IGSF21: variants seen among roughly 807,000 people sequenced by gnomAD.
The protein encoded by IGSF21 is immunoglobin superfamily member 21, also known as immunoglobulin superfamily member 21.
A neutral mutation model predicts 46.8 loss-of-function variants in IGSF21; 28 were observed. The ratio of observed to expected loss-of-function variants is 0.60; its 90% CI spans 0.44 to 0.82. The LOEUF (loss-of-function observed/expected upper bound fraction) is 0.82. Among genes scored for constraint, IGSF21 ranks in the 40% least tolerant of loss-of-function variants. The pLI is 0.00. For missense variants in IGSF21, 624 were observed against 665.5 expected, an observed-to-expected ratio of 0.94 and a Z score of 0.69; for synonymous variants, 284 against 273.6, an observed-to-expected ratio of 1.04 and a Z score of -0.38.
chr1:18,373,154 C>A (rs529673671), intron 6 of IGSF21, among the ~76,000 whole-genome samples: 20 of 152,302 alleles, frequency 1.3e-4, no homozygotes, highest in Non-Finnish European at 2.8e-4. Flanking sequence ...AGCCTATTCT[C>A]CCCATTTACA....
chr1:18,372,229 G>A (rs1178982546), intron 6 of IGSF21, among the ~76,000 whole-genome samples: 1 of 152,174 alleles, frequency 6.6e-6, no homozygotes, highest in African/African-American at 2.4e-5. Flanking sequence ...TGCTTTTCTA[G>A]GTTGTTGAGA....
intron 6 of IGSF21, among the ~76,000 whole-genome samples, chr1:18,368,902 G>A (rs552484217): frequency 6.6e-6 from 1 of 152,192 alleles, no homozygotes; most frequent in Non-Finnish European, 1.5e-5. Flanking sequence ...AGTGATGAGA[G>A]GGGGTGTGCC....
intron 2 of IGSF21, among the ~76,000 whole-genome samples, chr1:18,245,584 T>G (rs2084776543): frequency 6.6e-6 from 1 of 152,220 alleles, no homozygotes. Flanking sequence ...AAGCATGTAG[T>G]GCTTTCTCTG....
At chr1:18,291,465 C>T (rs1284016131) in intron 2 of IGSF21, among the ~76,000 whole-genome samples, 24 of 152,218 alleles carry the variant, frequency 1.6e-4, no homozygotes, top group Admixed American at 1.5e-3. Flanking sequence ...CGGGGACCAC[C>T]GCCTTCAGGA....
At chr1:18,145,712 C>T (rs974077030) in intron 1 of IGSF21, among the ~76,000 whole-genome samples, 6 of 152,308 alleles carry the variant, frequency 3.9e-5, no homozygotes, top group Non-Finnish European at 8.8e-5. Context: ...TCCCTCATGT[C>T]GGCTTCTCAG....
chr1:18,210,037 C>T lies in IGSF21; in HGVS notation c.71-17861C>T, dbSNP rs144558583. 3.1e-3 allele frequency among the ~76,000 whole-genome samples: 470 copies of T among 152,208 alleles called. 4 individuals carry two copies. Among genetic ancestry groups the T allele is most frequent in the African/African-American group, 0.01 (422 of 41,540 alleles). On this transcript the variant is annotated intron_variant, in intron 1 of 9. Coordinates refer to ENST00000251296, the MANE Select transcript of IGSF21 (RefSeq NM_032880.5). ...GTCTGCACCTGGGCCTTCAGCAGGA[C>T]GAAGTTAGATGGTGTGTGAATCAGG...
chr1:18,279,432 T>C (rs1435338274), intron 2 of IGSF21, among the ~76,000 whole-genome samples: 3 of 152,232 alleles, frequency 2.0e-5, no homozygotes, highest in Non-Finnish European at 1.5e-5. Context: ...GCATATGCTC[T>C]ATCGTAACCC....
intron 1 of IGSF21, among the ~76,000 whole-genome samples, chr1:18,162,676 T>C (rs1386067352): frequency 6.6e-6 from 1 of 152,252 alleles, no homozygotes; most frequent in African/African-American, 2.4e-5. Context: ...AACTTAAGAT[T>C]GGTTAATTGG....
chr1:18,357,574 G>A (rs2086034410), intron 4 of IGSF21, among the ~76,000 whole-genome samples: 1 of 152,032 alleles, frequency 6.6e-6, no homozygotes, highest in Non-Finnish European at 1.5e-5. Context: ...AGTGAAGGAA[G>A]GCTTTTATTG....
In IGSF21 at chr1:18,339,945, T is replaced by C. The variant is rs114191984; in HGVS notation, c.424+4935T>C. Among the ~76,000 whole-genome samples, 556 of 152,294 alleles carry C rather than the reference T, an allele frequency of 3.7e-3. 3 individuals carry two copies. The highest frequency in any genetic ancestry group is 0.013 in the African/African-American group (537 of 41,568). ...AAACCCTCTGAAAGGAGCACTGAAC[T>C]TGGAGTCCAGCAGACCTGGGTCCAA... On this transcript the variant is annotated intron_variant, in intron 4 of 9. Coordinates refer to ENST00000251296, the MANE Select transcript of IGSF21 (RefSeq NM_032880.5).
chr1:18,351,358 G>A (rs1010391955), intron 4 of IGSF21, among the ~76,000 whole-genome samples: 2 of 152,322 alleles, frequency 1.3e-5, no homozygotes, highest in East Asian at 1.9e-4. Flanking sequence ...AGGACACACC[G>A]CTTCTAAGCA....
chr1:18,318,485 T>TGTGC (rs2085566777), intron 3 of IGSF21, among the ~76,000 whole-genome samples: 1 of 151,960 alleles, frequency 6.6e-6, no homozygotes, highest in African/African-American at 2.4e-5. Context: ...TGTGTGTGTG[T>TGTGC]GTGTGCGTGC....
intron 1 of IGSF21, among the ~76,000 whole-genome samples, chr1:18,214,677 T>C (rs2084425120): frequency 6.6e-6 from 1 of 152,176 alleles, no homozygotes; most frequent in East Asian, 1.9e-4. Context: ...ACGTATATCT[T>C]ACATGCAGGC....
chr1:18,269,228 G>C (rs186109259), intron 2 of IGSF21, among the ~76,000 whole-genome samples: 22 of 152,284 alleles, frequency 1.4e-4, no homozygotes, highest in Admixed American at 4.6e-4. Context: ...TGCTGATGCC[G>C]ATGAGACTTG....
chr1:18,230,245 G>T (rs12031938), intron 2 of IGSF21, among the ~76,000 whole-genome samples: 34,665 of 151,988 alleles, frequency 0.23, 4,326 homozygotes, highest in Non-Finnish European at 0.28. Flanking sequence ...CCATGTCCTG[G>T]GCTGGACAGA....
intron 3 of IGSF21, among the ~76,000 whole-genome samples, chr1:18,296,462 G>C (rs2085313229): frequency 6.6e-6 from 1 of 152,132 alleles, no homozygotes; most frequent in South Asian, 2.1e-4. Context: ...GTGAAGGATA[G>C]AAGGACCTGA....
In IGSF21 at chr1:18,346,942, G is replaced by A. The variant is rs535072861; in HGVS notation, c.424+11932G>A. On this transcript the variant is annotated intron_variant, in intron 4 of 9. Transcript: ENST00000251296. ...GTGCCTGGACCTGGTCAGGGAGCTGGAGGAAGGACACCCATGCTGCTCGCC... is the reference window on the plus strand; with the variant it reads ...GTGCCTGGACCTGGTCAGGGAGCTGAAGGAAGGACACCCATGCTGCTCGCC... 9.7e-4 allele frequency among the ~76,000 whole-genome samples: 147 copies of A among 152,288 alleles called. 1 individual carries two copies. The highest frequency in any genetic ancestry group is 3.4e-3 in the African/African-American group (143 of 41,566).
At chr1:18,264,184 A>G (rs1011192880) in intron 2 of IGSF21, among the ~76,000 whole-genome samples, 1 of 152,138 alleles carries the variant, frequency 6.6e-6, no homozygotes, top group African/African-American at 2.4e-5. Flanking sequence ...CTCCTTCTGT[A>G]TGAGGGGATG....
intron 1 of IGSF21, among the ~76,000 whole-genome samples, chr1:18,186,823 T>C (rs961846651): frequency 6.6e-6 from 1 of 152,164 alleles, no homozygotes; most frequent in Non-Finnish European, 1.5e-5. Context: ...CTCCCTGCCC[T>C]CACCTAACTT....
Sources: gnomAD v4.1 joint callset for allele counts (sites outside exome capture counted in the v4.1 genomes callset) on GRCh38, gnomAD v4.1.1 for gene constraint, MANE v1.5 for transcripts, NCBI Gene and HGNC (gene_info 2026-07-23, HGNC 2026-07-21) for gene names.